Variants in GRIP1 observed in about 807,000 individuals in gnomAD.
GRIP1 encodes glutamate receptor-interacting protein 1.
A neutral mutation model predicts 129.9 loss-of-function variants in GRIP1; 45 were observed. That is an observed-to-expected ratio of 0.35 (90% CI 0.27 to 0.44). The LOEUF (loss-of-function observed/expected upper bound fraction) is 0.44. GRIP1 is among the 20% of genes least tolerant of loss of function. The pLI is 1.00. For synonymous variants in GRIP1, 530 were observed against 520.8 expected (o/e 1.02, Z -0.24); for missense variants, 1,196 against 1,396.8 (o/e 0.86, Z 2.29).
At chr12:66,825,805 A>G (rs559065075) in intron 1 of GRIP1, among the ~76,000 whole-genome samples, 2 of 152,328 alleles carry the variant, frequency 1.3e-5, no homozygotes, top group Admixed American at 6.5e-5. Flanking sequence ...AATGCATCCT[A>G]TATCAATGGA....
At chr12:67,060,600 C>A (rs1435636858) in intron 1 of GRIP1, among the ~76,000 whole-genome samples, 1 of 152,064 alleles carries the variant, frequency 6.6e-6, no homozygotes, top group African/African-American at 2.4e-5. Flanking sequence ...GCAGGCAGAT[C>A]ACCTGAGGTC....
upstream of GRIP1, among the ~76,000 whole-genome samples, chr12:66,681,579 C>A (rs1391870503): frequency 1.3e-5 from 2 of 152,118 alleles, no homozygotes; most frequent in Non-Finnish European, 2.9e-5. Context: ...TGGGACCTGT[C>A]ATGAACATGT....
Position 66,468,679 on chromosome 12 carries a change from G to GTTTTTT in GRIP1, c.725-3263_725-3258dup, listed in dbSNP as rs35563749. ...TGTCTAAATATAAACCCTTAAGTTA[G>GTTTTTT]TTTTTTTTTTTCATGGCCTGTATAT... On this transcript the variant is annotated intron_variant, in intron 7 of 24. Transcript: ENST00000359742. 1.3e-3 allele frequency among the ~76,000 whole-genome samples: 197 copies of GTTTTTT among 149,244 alleles called. 1 individual carries two copies. The highest frequency in any genetic ancestry group is 4.7e-3 in the African/African-American group (190 of 40,642).
In GRIP1 at chr12:66,448,918, T is replaced by C. The variant is rs374296883; in HGVS notation, c.1355-3410A>G. 1.5e-3 allele frequency among the ~76,000 whole-genome samples: 234 copies of C among 152,306 alleles called. 1 individual carries two copies. The highest frequency in any genetic ancestry group is 5.3e-3 in the African/African-American group (222 of 41,560). ...AACTTTTCAATTCTAGCAGAGCACA[T>C]AGGACCCTTCATCAGTTCCTTTCTC... On this transcript the variant is annotated intron_variant, in intron 11 of 24. Coordinates refer to ENST00000359742, the MANE Select transcript of GRIP1 (RefSeq NM_001366722.1).
chr12:66,373,185 G>A (rs939172666), intron 22 of GRIP1, among the ~76,000 whole-genome samples: 3 of 152,074 alleles, frequency 2.0e-5, no homozygotes, highest in Admixed American at 2.0e-4. Context: ...TGCCTTCTTT[G>A]TTCAAGCAAT....
chr12:67,030,266 A>C (rs1033550903), intron 1 of GRIP1, among the ~76,000 whole-genome samples: 3 of 151,764 alleles, frequency 2.0e-5, no homozygotes, highest in Middle Eastern at 3.4e-3. Context: ...TCTACCTAGA[A>C]TCTTACTATA....
chr12:66,397,110 CAAAAAA>C (rs71436004), intron 16 of GRIP1, among the ~76,000 whole-genome samples: 9 of 60,218 alleles, frequency 1.5e-4, no homozygotes, highest in African/African-American at 2.7e-4. Context: ...GACTCTGTCT[CAAAAAA>C]AAAAAAAAAA....
At chr12:66,663,580 G>A (rs2033633347) in intron 1 of GRIP1, among the ~76,000 whole-genome samples, 1 of 151,984 alleles carries the variant, frequency 6.6e-6, no homozygotes, top group Non-Finnish European at 1.5e-5. Flanking sequence ...GGAGGTATGT[G>A]TGGGGTGGGT....
intron 1 of GRIP1, among the ~76,000 whole-genome samples, chr12:66,865,929 G>C (rs531061028): frequency 6.6e-6 from 1 of 151,282 alleles, no homozygotes; most frequent in African/African-American, 2.4e-5. Context: ...CATTTCTTTC[G>C]GTCAACCTAC....
chr12:66,426,166 G>A (rs73125404), intron 14 of GRIP1, among the ~76,000 whole-genome samples: 1,655 of 152,102 alleles, frequency 0.011, 14 homozygotes, highest in Middle Eastern at 0.048. Flanking sequence ...CCATCCACAG[G>A]TATGGACCCA....
intron 1 of GRIP1, among the ~76,000 whole-genome samples, chr12:66,973,281 T>C (rs1171053421): frequency 6.6e-6 from 1 of 151,722 alleles, no homozygotes; most frequent in Non-Finnish European, 1.5e-5. Context: ...ACCCACATTA[T>C]GTAGGTTATT....
At chr12:66,527,265 T>G (rs1004234919) in intron 5 of GRIP1, among the ~76,000 whole-genome samples, 1 of 151,300 alleles carries the variant, frequency 6.6e-6, no homozygotes, top group African/African-American at 2.4e-5. Flanking sequence ...AGCAAAGACT[T>G]GGAACCAACC....
intron 19 of GRIP1, among the ~76,000 whole-genome samples, chr12:66,391,689 A>C (rs1477765936): frequency 6.6e-6 from 1 of 152,172 alleles, no homozygotes; most frequent in African/African-American, 2.4e-5. Context: ...CCGTATCTAC[A>C]AAAATTTAAA....
At chr12:66,943,146 A>G (rs2041613926) in intron 1 of GRIP1, among the ~76,000 whole-genome samples, 1 of 152,204 alleles carries the variant, frequency 6.6e-6, no homozygotes, top group African/African-American at 2.4e-5. Flanking sequence ...GAATCTATTC[A>G]TCTTCTAATA....
chr12:66,654,842 G>C (rs1687861094), intron 1 of GRIP1, among the ~76,000 whole-genome samples: 1 of 152,162 alleles, frequency 6.6e-6, no homozygotes, highest in Admixed American at 6.5e-5. Flanking sequence ...GGATAAACAA[G>C]AGGGAAAATT....
At chr12:66,887,439 G>A (rs982509769) in intron 1 of GRIP1, among the ~76,000 whole-genome samples, 13 of 152,186 alleles carry the variant, frequency 8.5e-5, no homozygotes, top group Admixed American at 8.5e-4. Flanking sequence ...ATGAGTGTCT[G>A]CCTTAAGGCA....
At chr12:66,689,279 T>G (rs1001996011) in intron 1 of GRIP1, among the ~76,000 whole-genome samples, 7 of 151,858 alleles carry the variant, frequency 4.6e-5, no homozygotes, top group Non-Finnish European at 1.0e-4. Flanking sequence ...AGAGGCCGAG[T>G]TGTCAAGAAA....
At chr12:67,048,688 G>A (rs1316174495) in intron 1 of GRIP1, among the ~76,000 whole-genome samples, 1 of 152,206 alleles carries the variant, frequency 6.6e-6, no homozygotes, top group East Asian at 1.9e-4. Context: ...GGAGAAACCC[G>A]AAGGCAGGTA....
intron 1 of GRIP1, among the ~76,000 whole-genome samples, chr12:66,860,768 T>C (rs2040097686): frequency 1.3e-5 from 2 of 152,096 alleles, no homozygotes; most frequent in South Asian, 2.1e-4. Context: ...TTGCGATACA[T>C]AATGTCTAGA....
Sources: allele counts gnomAD v4.1 joint callset (sites outside exome capture counted in the v4.1 genomes callset), GRCh38; gene constraint gnomAD v4.1.1; transcripts MANE v1.5; gene names NCBI Gene and HGNC (gene_info 2026-07-23, HGNC 2026-07-21).